PLCXD2: variants seen among roughly 807,000 people sequenced by gnomAD.
The protein encoded by PLCXD2 is PI-PLC X domain-containing protein 2.
A neutral mutation model predicts 28.6 loss-of-function variants in PLCXD2; 21 were observed. The ratio of observed to expected loss-of-function variants is 0.73; its 90% confidence interval spans 0.52 to 1.06. The LOEUF (loss-of-function observed/expected upper bound fraction) is 1.06. PLCXD2 is among the 50% of genes least tolerant of loss of function. The probability of loss-of-function intolerance (pLI) is 0.00; values close to 1 mark genes in which losing one functional copy is unlikely to be tolerated. For synonymous variants in PLCXD2, 140 were observed against 150.1 expected (o/e 0.93, Z 0.49); for missense variants, 369 against 376.7 (o/e 0.98, Z 0.17).
rs1576450226 is a variant in PLCXD2, at chr3:111,675,150, G to T, written c.-96G>T. 1.4e-6 allele frequency: 2 copies of T among 1,438,194 alleles called. No individual in the cohort carries two copies. The highest frequency in any genetic ancestry group is 1.4e-5 in the African/African-American group (1 of 70,384). The allele number at this position is 1,438,194 out of a possible 1,614,324, so 89.1% of individuals were successfully genotyped here. A position where few individuals can be genotyped will look rare whatever the true frequency, so the allele number is the denominator to read the frequency against. On this transcript the variant is annotated 5_prime_UTR_variant, in exon 1 of 5. Transcript: ENST00000477665. ...AAGGCATTTTGGAAAGACTGGCGTG[G>T]CAAGCGTCGCCCTGAAACGTCCACA...
chr3:111,718,527 A>T (rs139664915), intron 3 of PLCXD2, among the ~76,000 whole-genome samples: 12 of 128,528 alleles, frequency 9.3e-5, no homozygotes, highest in African/African-American at 3.0e-4. Flanking sequence ...ATAGATAGAT[A>T]GATAGATTGA....
chr3:111,716,861 G>C (rs1386838857), intron 3 of PLCXD2, among the ~76,000 whole-genome samples: 1 of 152,088 alleles, frequency 6.6e-6, no homozygotes, highest in Non-Finnish European at 1.5e-5. Context: ...CAGTCTAGCT[G>C]GTATCCTTAA....
chr3:111,691,794 A>G (rs1447573523), intron 1 of PLCXD2, among the ~76,000 whole-genome samples: 1 of 152,174 alleles, frequency 6.6e-6, no homozygotes, highest in Admixed American at 6.5e-5. Context: ...TAGTTGCAAA[A>G]CCAGTCTGAG....
chr3:111,711,904 C>A (rs1415325124), intron 2 of PLCXD2, among the ~76,000 whole-genome samples: 1 of 152,012 alleles, frequency 6.6e-6, no homozygotes, highest in Non-Finnish European at 1.5e-5. Context: ...AAAAGAATGA[C>A]CAGAATAAGA....
intron 1 of PLCXD2, among the ~76,000 whole-genome samples, chr3:111,696,973 G>T (rs1314318920): frequency 1.3e-5 from 2 of 151,894 alleles, no homozygotes; most frequent in Non-Finnish European, 2.9e-5. Flanking sequence ...CTGAATAAGA[G>T]AATTTTCTGG....
intron 1 of PLCXD2, chr3:111,691,269 T>G (rs1479101964): frequency 6.6e-6 from 1 of 152,256 alleles, no homozygotes; most frequent in Non-Finnish European, 1.5e-5. Flanking sequence ...TGGTCACAAA[T>G]GCCTTTAGTA....
intron 3 of PLCXD2, among the ~76,000 whole-genome samples, chr3:111,718,200 C>T (rs760255278): frequency 6.6e-6 from 1 of 152,134 alleles, no homozygotes; most frequent in Non-Finnish European, 1.5e-5. Context: ...CGCAGTGGCT[C>T]ACGCCTGTAA....
chr3:111,709,781 G>C (rs1053440218), intron 2 of PLCXD2, among the ~76,000 whole-genome samples: 1 of 152,138 alleles, frequency 6.6e-6, no homozygotes, highest in Non-Finnish European at 1.5e-5. Flanking sequence ...GTGAGAGGAG[G>C]TCAGAGAGGC....
intron 1 of PLCXD2, among the ~76,000 whole-genome samples, chr3:111,685,561 G>A (rs1940782407): frequency 6.6e-6 from 1 of 152,174 alleles, no homozygotes; most frequent in Non-Finnish European, 1.5e-5. Flanking sequence ...TTCATTTAAT[G>A]TAACTTTTTC....
intron 3 of PLCXD2, chr3:111,723,256 G>T (rs1559800219): frequency 6.6e-6 from 1 of 152,198 alleles, no homozygotes; most frequent in Non-Finnish European, 1.5e-5. Flanking sequence ...CTTTGTCCAG[G>T]TGTTTGGTGC....
intron 1 of PLCXD2, among the ~76,000 whole-genome samples, chr3:111,702,490 T>C (rs1469542986): frequency 6.6e-6 from 1 of 152,186 alleles, no homozygotes; most frequent in East Asian, 1.9e-4. Flanking sequence ...CTTTGTTTTG[T>C]TTTAAGACAA....
intron 2 of PLCXD2, among the ~76,000 whole-genome samples, chr3:111,713,625 T>A (rs1228107536): frequency 6.6e-6 from 1 of 152,220 alleles, no homozygotes; most frequent in African/African-American, 2.4e-5. Flanking sequence ...AACATGTAAT[T>A]CTGAGAAGGG....
In PLCXD2 at chr3:111,708,161, G is replaced by C. The variant is rs760549244; in HGVS notation, c.399G>C (p.Gly133=). 1.4e-5 allele frequency: 23 copies of C among 1,614,066 alleles called. No individual in the cohort carries two copies. Among genetic ancestry groups the C allele is most frequent in the Non-Finnish European group, 1.9e-5 (22 of 1,180,048 alleles). The change falls in exon 2 of 5, where the codon GGG becomes GGC. Residue 133 remains glycine, a synonymous_variant. Transcript: ENST00000477665. ...ACCAGGAGATCTACTTCATCCATGG[G>C]CTTTTTGGCATCAAGGTCTGGGATG...
Position 111,708,028 on chromosome 3 carries a change from A to C in PLCXD2, c.266A>C (p.Lys89Thr). 1 of 1,614,206 alleles carries C rather than the reference A, an allele frequency of 6.2e-7. No individual in the cohort carries two copies. The highest frequency in any genetic ancestry group is 1.1e-5 in the South Asian group (1 of 91,086). The change falls in exon 2 of 5, where the codon AAG becomes ACG. Residue 89 changes from lysine (K) to threonine (T), a missense_variant. By Grantham distance (78) the Lys-to-Thr change is moderately conservative. Transcript: ENST00000477665. ...CTCGCCAGGATCTCCTTGGTGAAGA[A>C]GCTAATGAAGAAGTGGTCTGTGACT...
intron 1 of PLCXD2, among the ~76,000 whole-genome samples, chr3:111,689,666 C>G (rs900444229): frequency 6.6e-6 from 1 of 152,022 alleles, no homozygotes; most frequent in Admixed American, 6.6e-5. Flanking sequence ...CTGTCTTGTT[C>G]AGAATAAGCA....
intron 1 of PLCXD2, among the ~76,000 whole-genome samples, chr3:111,696,044 A>G (rs140686032): frequency 1.3e-5 from 2 of 152,312 alleles, no homozygotes; most frequent in African/African-American, 4.8e-5. Flanking sequence ...CAAAGATGGC[A>G]GTGATGAGGG....
chr3:111,695,825 C>T (rs376047754), intron 1 of PLCXD2, among the ~76,000 whole-genome samples: 9 of 152,206 alleles, frequency 5.9e-5, no homozygotes, highest in African/African-American at 1.4e-4. Context: ...CACTTCATCA[C>T]GCTCCTCAGA....
chr3:111,692,181 G>A (rs1156568867), intron 1 of PLCXD2, among the ~76,000 whole-genome samples: 2 of 152,130 alleles, frequency 1.3e-5, no homozygotes. Flanking sequence ...AGCTGGGACT[G>A]CAGGCACCCA....
chr3:111,717,724 G>A (rs1235514802), intron 3 of PLCXD2, among the ~76,000 whole-genome samples: 1 of 152,152 alleles, frequency 6.6e-6, no homozygotes, highest in African/African-American at 2.4e-5. Context: ...GACCAGCAGA[G>A]GGCGCCTGCA....
Sources: allele counts gnomAD v4.1 joint callset (sites outside exome capture counted in the v4.1 genomes callset), GRCh38; gene constraint gnomAD v4.1.1; transcripts MANE v1.5; gene names NCBI Gene and HGNC (gene_info 2026-07-23, HGNC 2026-07-21).